FNBP1: variants seen among roughly 807,000 people sequenced by gnomAD.
FNBP1 encodes formin-binding protein 1.
In FNBP1, 26 loss-of-function variants were observed where a neutral mutation model predicts 90.6. The ratio of observed to expected loss-of-function variants is 0.29; its 90% CI spans 0.21 to 0.40. FNBP1 has a LOEUF of 0.40. Among genes scored for constraint, FNBP1 ranks in the 10% least tolerant of loss-of-function variants. The probability of loss-of-function intolerance (pLI) is 1.00; values close to 1 mark genes in which losing one functional copy is unlikely to be tolerated. For synonymous variants in FNBP1, 260 were observed against 265.2 expected (o/e 0.98, Z 0.19); for missense variants, 635 against 768.0 (o/e 0.83, Z 2.05).
intron 6 of FNBP1, among the ~76,000 whole-genome samples, chr9:129,955,985 A>C (rs2046883211): frequency 6.6e-6 from 1 of 152,048 alleles, no homozygotes; most frequent in South Asian, 2.1e-4. Context: ...GCAGCAAATT[A>C]ATGTCTTTTG....
intron 1 of FNBP1, among the ~76,000 whole-genome samples, chr9:130,024,175 T>C (rs1447239100): frequency 6.6e-6 from 1 of 152,098 alleles, no homozygotes; most frequent in African/African-American, 2.4e-5. Context: ...TTTGGGAGGC[T>C]GAGGCAGGAG....
At chr9:129,937,570 A>T (rs1161491809) in intron 6 of FNBP1, among the ~76,000 whole-genome samples, 1 of 89,862 alleles carries the variant, frequency 1.1e-5, no homozygotes, top group Admixed American at 1.4e-4. Flanking sequence ...GTCTCTACTA[A>T]AAATACAAAA....
At chr9:129,935,729 C>G (rs901207905) in intron 6 of FNBP1, among the ~76,000 whole-genome samples, 1 of 152,040 alleles carries the variant, frequency 6.6e-6, no homozygotes, top group African/African-American at 2.4e-5. Flanking sequence ...CCTCGTGATC[C>G]GCCTGTCTCG....
the FNBP1 span, among the ~76,000 whole-genome samples, chr9:130,050,711 C>T: frequency 6.7e-6 from 1 of 149,540 alleles, no homozygotes. Context: ...AGTGTCATGG[C>T]TTACTCCAGT....
rs1037666285 is a variant in FNBP1 at position 129,889,431 on chromosome 9, G to A, written c.*1108C>T. ...CTAAAAATACAAACATTAGCCGGGC[G>A]TGGTGGTGCACGCCTGTAATCACAG... On this transcript the variant is annotated 3_prime_UTR_variant, in exon 17 of 17. Transcript: ENST00000446176. 5 of 182,348 alleles carry A rather than the reference G, an allele frequency of 2.7e-5. No homozygotes were observed. The highest frequency in any genetic ancestry group is 4.7e-5 in the Non-Finnish European group (4 of 85,694). 11.3% of individuals were successfully genotyped at this position (182,348 alleles called of 1,614,324 possible). A position where few individuals can be genotyped will look rare whatever the true frequency, so the allele number is the denominator to read the frequency against.
intron 2 of FNBP1, among the ~76,000 whole-genome samples, chr9:129,988,422 T>C (rs567742012): frequency 2.0e-5 from 3 of 152,266 alleles, no homozygotes; most frequent in African/African-American, 7.2e-5. Context: ...CTCATGCCTG[T>C]AATCCCAGCA....
At chr9:129,911,587 G>T (rs1011837131) in intron 11 of FNBP1, among the ~76,000 whole-genome samples, 2 of 152,154 alleles carry the variant, frequency 1.3e-5, no homozygotes, top group Non-Finnish European at 2.9e-5. Flanking sequence ...CCCACACCTT[G>T]CCCTAAGCAT....
In FNBP1 at chr9:129,929,618, G is replaced by A. The variant is rs2042424883; in HGVS notation, c.591C>T (p.Phe197=). The A allele has an allele frequency of 1.2e-6, 2 of 1,613,786 alleles. No homozygotes were observed. Among genetic ancestry groups the A allele is most frequent in the Admixed American group, 3.3e-5 (2 of 60,012 alleles). ...GGTAATATTCATGCTGCTCATGGTT[G>A]AATTTCTGGAGAATGGATGAGTAAT... ...KADYSSILQK[F]NHEQHEYYHT... Residue 197 remains phenylalanine (F), a synonymous_variant, in exon 7 of 17, where the codon TTC becomes TTT. Transcript: ENST00000446176.
At chr9:129,998,649 C>A (rs2054372867) in intron 1 of FNBP1, among the ~76,000 whole-genome samples, 1 of 152,094 alleles carries the variant, frequency 6.6e-6, no homozygotes, top group African/African-American at 2.4e-5. Context: ...CATTCTTGGC[C>A]TATTAACAAC....
intron 13 of FNBP1, among the ~76,000 whole-genome samples, chr9:129,902,443 A>C (rs1403606090): frequency 6.6e-6 from 1 of 152,056 alleles, no homozygotes; most frequent in Non-Finnish European, 1.5e-5. Flanking sequence ...AAAACAAATA[A>C]AAAATTGAAA....
chr9:129,958,435 A>C (rs935726633), intron 5 of FNBP1, 56 bp downstream of exon 5: 26 of 1,331,394 alleles, frequency 2.0e-5, no homozygotes, highest in Non-Finnish European at 2.5e-5. Context: ...CCGTCTCAAA[A>C]AAAAAGAAAA....
At position 129,958,985 on chromosome 9, in the gene FNBP1, CAAAAA is replaced by C. The variant is rs60640596; in HGVS notation, c.346-437_346-433del. 2.1e-3 allele frequency among the ~76,000 whole-genome samples: 19 copies of C among 9,156 alleles called. 1 individual carries two copies. The highest frequency in any genetic ancestry group is 0.011 in the South Asian group (1 of 90). 6.0% of individuals were successfully genotyped at this position (9,156 alleles called of 152,430 possible). The stretch of plus-strand genomic sequence containing the variant: ...TGGATGACACAGTGAAACTCTGCCT[CAAAAA>C]AAAAAAAAAAAAAAAAAGGAAAAGG... On this transcript the variant is annotated intron_variant, in intron 4 of 16. Transcript: ENST00000446176.
Position 129,889,087 on chromosome 9 carries a change from G to GGGGA in FNBP1, c.*1451_*1452insTCCC. ...GCTCTGCTCTAAGGCGTGGCGGGGG[G>GGGGA]GGGGGGTGGTGGCCACAGATTAGGG... On this transcript the variant is annotated 3_prime_UTR_variant, in exon 17 of 17. Coordinates refer to ENST00000446176, the MANE Select transcript of FNBP1 (RefSeq NM_015033.3). 4.7e-6 allele frequency: 1 copy of GGGGA among 213,552 alleles called. No homozygotes were observed. Among genetic ancestry groups the GGGGA allele is most frequent in the South Asian group, 2.0e-4 (1 of 5,082 alleles). The allele number at this position is 213,552 out of a possible 1,614,324, so 13.2% of individuals were successfully genotyped here.
chr9:129,952,055 G>A (rs1374494878), intron 6 of FNBP1, among the ~76,000 whole-genome samples: 1 of 151,742 alleles, frequency 6.6e-6, no homozygotes, highest in Non-Finnish European at 1.5e-5. Context: ...AGCCAGGTGT[G>A]GTGGCTCATA....
At chr9:129,902,489 T>C (rs1394522576) in intron 13 of FNBP1, among the ~76,000 whole-genome samples, 1 of 152,116 alleles carries the variant, frequency 6.6e-6, no homozygotes, top group African/African-American at 2.4e-5. Context: ...CATGTGCCTG[T>C]AATCCCAGCT....
At chr9:130,026,016 C>T (rs918968109) in intron 1 of FNBP1, among the ~76,000 whole-genome samples, 4 of 152,116 alleles carry the variant, frequency 2.6e-5, no homozygotes, top group Admixed American at 6.6e-5. Context: ...GAGTTTATTT[C>T]GCATATAATC....
At position 129,999,136 on chromosome 9, in the gene FNBP1, GA is replaced by G. The variant is rs111242828; in HGVS notation, c.25-4179del. 1.8e-3 allele frequency among the ~76,000 whole-genome samples: 270 copies of G among 150,720 alleles called. 1 individual carries two copies. Among genetic ancestry groups the G allele is most frequent in the Non-Finnish European group, 2.4e-3 (164 of 67,578 alleles). On this transcript the variant is annotated intron_variant, in intron 1 of 16. Transcript: ENST00000446176. ...TGACTAAAATGTGGAAAAGTTAATG[GA>G]AAAAAAAATCCAAATCTTAAAAGGA...
At chr9:129,987,100 G>A (rs149343930) in intron 2 of FNBP1, among the ~76,000 whole-genome samples, 2 of 152,056 alleles carry the variant, frequency 1.3e-5, no homozygotes, top group Non-Finnish European at 2.9e-5. Flanking sequence ...GAAACATCTG[G>A]CTGGCCCCAG....
chr9:130,042,846 CGCGCCCTCGCCTCCGCCCAGCA>C lies in FNBP1; in HGVS notation c.24+84_24+105del. On this transcript the variant is annotated intron_variant, in intron 1 of 16. Coordinates refer to ENST00000446176, the MANE Select transcript of FNBP1 (RefSeq NM_015033.3). The surrounding 1 kb of genome is among the most constrained non-coding windows in gnomAD (Gnocchi z 5.5). The stretch of plus-strand genomic sequence containing the variant: ...CCCAGGCCGCGAGGACCCCGACCAG[CGCGCCCTCGCCTCCGCCCAGCA>C]GCGCGGCCCGCGCCCCCTCCCCAGG... 1 of 743,748 alleles carries C rather than the reference CGCGCCCTCGCCTCCGCCCAGCA, an allele frequency of 1.3e-6. No individual in the cohort carries two copies. The allele number at this position is 743,748 out of a possible 1,614,324, so 46.1% of individuals were successfully genotyped here.
Sources: allele counts gnomAD v4.1 joint callset (sites outside exome capture counted in the v4.1 genomes callset), GRCh38; gene constraint gnomAD v4.1.1; non-coding constraint Gnocchi (gnomAD v3.1); transcripts MANE v1.5; gene names NCBI Gene and HGNC (gene_info 2026-07-23, HGNC 2026-07-21).